GRM8: variants seen among roughly 807,000 people sequenced by gnomAD.
GRM8 encodes glutamate metabotropic receptor 8.
GRM8 carries 47 observed loss-of-function variants against 87.2 expected under a neutral mutation model. The ratio of observed to expected loss-of-function variants is 0.54; its 90% confidence interval spans 0.43 to 0.69. GRM8 has a LOEUF of 0.69. GRM8 is among the 30% of genes least tolerant of loss of function. GRM8 has a pLI of 0.00. For missense variants in GRM8, 1,019 were observed against 1,139.2 expected (o/e 0.89, Z 1.52); for synonymous variants, 396 against 404.5 (o/e 0.98, Z 0.25).
At chr7:126,952,017 T>TC in intron 3 of GRM8, among the ~76,000 whole-genome samples, 1 of 133,736 alleles carries the variant, frequency 7.5e-6, no homozygotes, top group Non-Finnish European at 1.6e-5. Flanking sequence ...TTCTCTGATT[T>TC]AAAAAAAAGA....
chr7:126,718,942 T>C (rs1163672892), intron 7 of GRM8, among the ~76,000 whole-genome samples: 1 of 152,250 alleles, frequency 6.6e-6, no homozygotes, highest in Admixed American at 6.5e-5. Flanking sequence ...TGTACCATTA[T>C]CTTTCATATA....
chr7:126,923,293 T>C (rs1804732104), intron 3 of GRM8, among the ~76,000 whole-genome samples: 2 of 152,168 alleles, frequency 1.3e-5, no homozygotes, highest in Non-Finnish European at 2.9e-5. Context: ...AAGAACCACA[T>C]GAAAATCCAT....
chr7:127,054,816 C>G (rs1210553737), intron 3 of GRM8, among the ~76,000 whole-genome samples: 1 of 151,808 alleles, frequency 6.6e-6, no homozygotes, highest in Non-Finnish European at 1.5e-5. Flanking sequence ...TGGTAGTGTA[C>G]AGATATGGGT....
rs943382915 is a variant in GRM8 at position 126,971,706 on chromosome 7, C to T, written c.728-67023G>A. Among the ~76,000 whole-genome samples, 4 of 152,166 alleles carry T rather than the reference C, an allele frequency of 2.6e-5. No individual in the cohort carries two copies. In the East Asian group the frequency reaches 5.8e-4, roughly 22 times the overall value. On this transcript the variant is annotated intron_variant, in intron 3 of 10. Coordinates refer to ENST00000339582, the MANE Select transcript of GRM8 (RefSeq NM_000845.3). ...AGAGATTAGTTAAAATGGAGGTTGT[C>T]GGCAGGTTTTGAGTTTGGACAGGTG...
At chr7:127,030,128 T>C (rs1046807275) in intron 3 of GRM8, among the ~76,000 whole-genome samples, 1 of 152,086 alleles carries the variant, frequency 6.6e-6, no homozygotes, top group Non-Finnish European at 1.5e-5. Context: ...ATGATTCTTT[T>C]GCCTTTCCTC....
chr7:126,716,547 T>A (rs1015331814), intron 7 of GRM8, among the ~76,000 whole-genome samples: 1 of 152,166 alleles, frequency 6.6e-6, no homozygotes, highest in African/African-American at 2.4e-5. Context: ...TCATGATGCA[T>A]CACTCAGGAT....
intron 7 of GRM8, among the ~76,000 whole-genome samples, chr7:126,763,389 A>G (rs1301171940): frequency 7.2e-6 from 1 of 139,310 alleles, no homozygotes. Flanking sequence ...CTTAATCAAT[A>G]AAATGTTATT....
intron 9 of GRM8, among the ~76,000 whole-genome samples, chr7:126,477,565 A>AAGAAAGAAAGAAAGAG (rs1475095639): frequency 9.1e-6 from 1 of 109,438 alleles, no homozygotes; most frequent in Non-Finnish European, 1.9e-5. Context: ...AAGTAAGAGA[A>AAGAAAGAAAGAAAGAG]AGAAAGAAAG....
chr7:127,240,237 A>G (rs1798208973), intron 2 of GRM8, among the ~76,000 whole-genome samples: 1 of 152,110 alleles, frequency 6.6e-6, no homozygotes, highest in Admixed American at 6.5e-5. Flanking sequence ...GAGAAGCCAG[A>G]TCCCCGCTGC....
rs1293645471 is a variant in GRM8 at position 126,789,115 on chromosome 7, TA to T, written c.1157-19051del. ...CTTAATTTGTCTACAGTATGATACA[TA>T]ACATGCAATAAGATAATCACTATAA... On this transcript the variant is annotated intron_variant, in intron 6 of 10. Transcript: ENST00000339582. Among the ~76,000 whole-genome samples the T allele has an allele frequency of 3.3e-5, 5 of 152,254 alleles. No homozygotes were observed. In the East Asian group the frequency reaches 9.7e-4, roughly 29 times the overall value.
chr7:126,638,127 C>T (rs1391083400), intron 7 of GRM8, among the ~76,000 whole-genome samples: 1 of 151,946 alleles, frequency 6.6e-6, no homozygotes, highest in African/African-American at 2.4e-5. Context: ...TTAAATAATA[C>T]ATTTATATTT....
intron 8 of GRM8, among the ~76,000 whole-genome samples, 169 bp downstream of exon 8, chr7:126,609,193 G>A (rs939355390): frequency 6.6e-6 from 1 of 151,936 alleles, no homozygotes; most frequent in Non-Finnish European, 1.5e-5. Context: ...TCTCTAAAGA[G>A]GCTGAAGAAT....
chr7:126,851,437 C>A (rs971857893), intron 6 of GRM8, among the ~76,000 whole-genome samples: 7 of 152,132 alleles, frequency 4.6e-5, no homozygotes, highest in Non-Finnish European at 8.8e-5. Context: ...CTGTGGAAAA[C>A]CCTCGAATAA....
rs146487258 is a variant in GRM8 at position 127,190,485 on chromosome 7, A to T, written c.510+52210T>A. ...CTTGAACCCTGGAGGCAGAGGTTGC[A>T]GTGAGCCGGGATCGTGCCATTGCAC... On this transcript the variant is annotated intron_variant, in intron 2 of 10. Coordinates refer to ENST00000339582, the MANE Select transcript of GRM8 (RefSeq NM_000845.3). Among the ~76,000 whole-genome samples, 272 of 152,114 alleles carry T rather than the reference A, an allele frequency of 1.8e-3. 1 individual carries two copies. Among genetic ancestry groups the T allele is most frequent in the African/African-American group, 6.1e-3 (253 of 41,502 alleles).
At chr7:126,562,989 AATT>A (rs1793866878) in intron 8 of GRM8, among the ~76,000 whole-genome samples, 1 of 152,246 alleles carries the variant, frequency 6.6e-6, no homozygotes. Flanking sequence ...ATGGTTAACT[AATT>A]ATTATAACAA....
chr7:126,567,240 A>G lies in GRM8; in HGVS notation c.1495-33353T>C, dbSNP rs1794297101. ...TTTGTTAAGGGGATAAAAAATGATGAGTTCATGTCCTTTGTAGGGACATAG... is the reference window on the plus strand; with the variant it reads ...TTTGTTAAGGGGATAAAAAATGATGGGTTCATGTCCTTTGTAGGGACATAG... On this transcript the variant is annotated intron_variant, in intron 8 of 10. Transcript: ENST00000339582. Among the ~76,000 whole-genome samples the G allele has an allele frequency of 2.0e-5, 3 of 152,274 alleles. No individual in the cohort carries two copies. In the South Asian group the frequency reaches 6.2e-4, roughly 32 times the overall value.
chr7:127,195,466 C>T lies in GRM8; in HGVS notation c.510+47229G>A, dbSNP rs11563404. Among the ~76,000 whole-genome samples the T allele has an allele frequency of 6.1e-4, 93 of 152,192 alleles. No individual in the cohort carries two copies. The South Asian group carries it at 7.1e-3, about 12-fold the overall frequency. ...TCAGAATGAACAAAACTAGTTAAGCCGCATACCTTACAGAATTCTACCTTG... is the reference window on the plus strand; with the variant it reads ...TCAGAATGAACAAAACTAGTTAAGCTGCATACCTTACAGAATTCTACCTTG... On this transcript the variant is annotated intron_variant, in intron 2 of 10. Transcript: ENST00000339582.
At position 127,242,935 on chromosome 7, in the gene GRM8, A is replaced by C. The variant is rs200233613; in HGVS notation, c.270T>G (p.Pro90=). The C allele has an allele frequency of 6.2e-7, 1 of 1,614,204 alleles. No individual in the cohort carries two copies. Among genetic ancestry groups the C allele is most frequent in the Non-Finnish European group, 8.5e-7 (1 of 1,180,010 alleles). The change falls in exon 2 of 11, where the codon CCT becomes CCG. Residue 90 remains proline (P), a synonymous_variant. Coordinates refer to ENST00000339582, the MANE Select transcript of GRM8 (RefSeq NM_000845.3). The part of the protein sequence containing the change: ...LYAIDQINKD[P]DLLSNITLGV... The stretch of plus-strand genomic sequence containing the variant: ...CCAGAGTGATGTTGGAAAGGAGATC[A>C]GGGTCCTTGTTAATCTGGTCAATTG...
rs527376950 is a variant in GRM8 at position 126,922,660 on chromosome 7, T to A, written c.728-17977A>T. ...AAGTGGAAGTGGGGATGATATGGTT[T>A]GGATGTGTCCTCACCCAAATCTCAT... On this transcript the variant is annotated intron_variant, in intron 3 of 10. Transcript: ENST00000339582. Among the ~76,000 whole-genome samples the A allele has an allele frequency of 2.0e-5, 3 of 152,222 alleles. No individual in the cohort carries two copies. The South Asian group carries it at 6.2e-4, about 32-fold the overall frequency.
Sources: allele counts gnomAD v4.1 joint callset (sites outside exome capture counted in the v4.1 genomes callset), GRCh38; gene constraint gnomAD v4.1.1; transcripts MANE v1.5; gene names NCBI Gene and HGNC (gene_info 2026-07-23, HGNC 2026-07-21).